ARHGEF5: variants seen among roughly 807,000 people sequenced by gnomAD.
ARHGEF5 encodes the protein Rho guanine nucleotide exchange factor (GEF) 5.
ARHGEF5 carries 11 observed loss-of-function variants against 104.0 expected under a neutral mutation model. The ratio of observed to expected loss-of-function variants is 0.11; its 90% CI spans 0.07 to 0.18. The LOEUF (loss-of-function observed/expected upper bound fraction) is 0.18. ARHGEF5 is among the 10% of genes least tolerant of loss of function. The probability of loss-of-function intolerance (pLI) is 1.00; values close to 1 mark genes in which losing one functional copy is unlikely to be tolerated. For missense variants in ARHGEF5, 165 were observed against 1,335.4 expected, an observed-to-expected ratio of 0.12 and a Z score of 13.66; for synonymous variants, 60 against 512.2, an observed-to-expected ratio of 0.12 and a Z score of 11.92.
chr7:144,379,763 T>C, intron 14 of ARHGEF5, 136 bp from the exon 15 acceptor site: 1 of 1,176,924 alleles, frequency 8.5e-7, no homozygotes, highest in African/African-American at 1.5e-5. Context: ...GTTAGGACAC[T>C]TGGAGGCTGG....
At chr7:144,361,056 C>T (rs1379836481) in intron 1 of ARHGEF5, among the ~76,000 whole-genome samples, 3 of 143,780 alleles carry the variant, frequency 2.1e-5, no homozygotes, top group Non-Finnish European at 4.6e-5. Flanking sequence ...GGTGAAACCC[C>T]GTCTCTACTA....
Position 144,379,948 on chromosome 7 carries a change from T to A in ARHGEF5, c.4686T>A (p.Pro1562=), listed in dbSNP as rs1425187230. The A allele has an allele frequency of 1.2e-6, 2 of 1,614,238 alleles. No individual in the cohort carries two copies. Among genetic ancestry groups the A allele is most frequent in the East Asian group, 2.2e-5 (1 of 44,890 alleles). The change falls in exon 15 of 15, where the codon CCT becomes CCA. Residue 1562 remains proline (P), a synonymous_variant. Coordinates refer to ENST00000056217, the MANE Select transcript of ARHGEF5 (RefSeq NM_005435.4). ...RLSDGERGWF[P]VQQVEFISNP... ...CAGACGGGGAGCGAGGCTGGTTTCCTGTGCAGCAGGTGGAGTTCATTTCCA... is the reference window on the plus strand; with the variant it reads ...CAGACGGGGAGCGAGGCTGGTTTCCAGTGCAGCAGGTGGAGTTCATTTCCA...
At chr7:144,373,815 C>T (rs1587071627) in intron 10 of ARHGEF5, among the ~76,000 whole-genome samples, 2 of 145,716 alleles carry the variant, frequency 1.4e-5, no homozygotes, top group East Asian at 2.0e-4. Context: ...AGACATTCCA[C>T]ATTCAAATTC....
At chr7:144,358,939 C>T (rs1318028736) in intron 1 of ARHGEF5, among the ~76,000 whole-genome samples, 3 of 60,828 alleles carry the variant, frequency 4.9e-5, no homozygotes, top group Non-Finnish European at 9.0e-5. Context: ...GACTGATGGC[C>T]TGCCAGCTTT....
Position 144,373,216 on chromosome 7 carries a change from A to T in ARHGEF5, c.4072A>T (p.Asn1358Tyr), listed in dbSNP as rs550202096. ...LEQLIRDCNN[N>Y]VQSMRRTEEL... ...CTAGCTGATCCGGGACTGCAATAACAATGTCCAGAGTATGCGACGGACAGA... is the reference window on the plus strand; with the variant it reads ...CTAGCTGATCCGGGACTGCAATAACTATGTCCAGAGTATGCGACGGACAGA... Residue 1358 changes from asparagine (N) to tyrosine (Y), a missense_variant, in exon 10 of 15, where the codon AAT (asparagine) becomes TAT (tyrosine). Physicochemically the swap from Asn to Tyr is moderately radical, Grantham distance 143. Transcript: ENST00000056217. The T allele has an allele frequency of 4.8e-6, 7 of 1,450,690 alleles. 1 individual carries two copies. In the East Asian group the frequency reaches 1.4e-4, roughly 30 times the overall value. 89.9% of individuals were successfully genotyped at this position (1,450,690 alleles called of 1,614,324 possible). A position where few individuals can be genotyped will look rare whatever the true frequency, so the allele number is the denominator to read the frequency against.
At chr7:144,379,516 T>C (rs1346956174) in intron 14 of ARHGEF5, among the ~76,000 whole-genome samples, 3 of 152,194 alleles carry the variant, frequency 2.0e-5, no homozygotes, top group Non-Finnish European at 4.4e-5. Context: ...AGCCCAAGTT[T>C]TCCTCCTTTA....
rs964029865 is a variant in ARHGEF5, at chr7:144,380,391, AGAGTTTCAGT to A, written c.*338_*347del. 70 of 214,070 alleles carry A rather than the reference AGAGTTTCAGT, an allele frequency of 3.3e-4. No individual in the cohort carries two copies. The highest frequency in any genetic ancestry group is 1.5e-3 in the African/African-American group (65 of 44,610). The allele number at this position is 214,070 out of a possible 1,614,324, so 13.3% of individuals were successfully genotyped here. On this transcript the variant is annotated 3_prime_UTR_variant, in exon 15 of 15. Coordinates refer to ENST00000056217, the MANE Select transcript of ARHGEF5 (RefSeq NM_005435.4). ...CCAGGGTGCAGATTCAGAGCTGGCC[AGAGTTTCAGT>A]GATAGCCGTATGTTAAACAGAATCT...
intron 13 of ARHGEF5, among the ~76,000 whole-genome samples, 181 bp downstream of exon 13, chr7:144,377,371 C>T (rs552701969): frequency 6.6e-6 from 1 of 152,332 alleles, no homozygotes; most frequent in Admixed American, 6.5e-5. Flanking sequence ...TAAAACTGCT[C>T]ATCACTATGG....
chr7:144,375,974 C>A (rs1483868014), intron 12 of ARHGEF5, among the ~76,000 whole-genome samples: 2 of 152,248 alleles, frequency 1.3e-5, no homozygotes, highest in Non-Finnish European at 2.9e-5. Context: ...ATGGAGTGAG[C>A]AAGGAATTGG....
At chr7:144,370,578 G>A (rs1158518865) in intron 5 of ARHGEF5, among the ~76,000 whole-genome samples, 5 of 150,602 alleles carry the variant, frequency 3.3e-5, no homozygotes, top group African/African-American at 4.9e-5. Flanking sequence ...CAATCCTTCC[G>A]CCTCAGCCTC....
chr7:144,357,100 A>T (rs1290337765), intron 1 of ARHGEF5, among the ~76,000 whole-genome samples: 1 of 132,504 alleles, frequency 7.5e-6, no homozygotes, highest in Non-Finnish European at 1.6e-5. Flanking sequence ...GGTCACTCAC[A>T]GTGTCTGTGG....
At chr7:144,378,655 A>T in intron 13 of ARHGEF5, 107 bp from the exon 14 acceptor site, 1 of 869,750 alleles carries the variant, frequency 1.1e-6, no homozygotes, top group Non-Finnish European at 1.8e-6. Context: ...CAACAGCCCA[A>T]ATCTGTCTCT....
intron 14 of ARHGEF5, 34 bp from the exon 15 acceptor site, chr7:144,379,865 C>A: frequency 6.2e-7 from 1 of 1,613,248 alleles, no homozygotes; most frequent in Non-Finnish European, 8.5e-7. Context: ...GAGCCTTTCC[C>A]AGGTAATTCT....
In ARHGEF5 at chr7:144,365,768, G is replaced by GT; in HGVS notation, c.3099_3100insT (p.Gly1034TrpfsTer15). 1 of 352,076 alleles carries GT rather than the reference G, an allele frequency of 2.8e-6. No homozygotes were observed. Among genetic ancestry groups the GT allele is most frequent in the African/African-American group, 8.6e-5 (1 of 11,626 alleles). 21.8% of individuals were successfully genotyped at this position (352,076 alleles called of 1,614,324 possible). ...CTAGTGAGGGGGCCAACAAGCACAA[G>GT]GGCTGGAGCCGGCAGGGCCTGCGCA... On this transcript the variant is annotated frameshift_variant, in exon 2 of 15. Coordinates refer to ENST00000056217, the MANE Select transcript of ARHGEF5 (RefSeq NM_005435.4). LOFTEE classifies it high-confidence loss of function.
At chr7:144,370,709 A>G (rs1423725741) in intron 5 of ARHGEF5, among the ~76,000 whole-genome samples, 3 of 148,118 alleles carry the variant, frequency 2.0e-5, no homozygotes, top group Non-Finnish European at 3.0e-5. Context: ...CAAGTGATGC[A>G]CCCACCTCAG....
At chr7:144,377,807 A>G (rs868753678) in intron 13 of ARHGEF5, among the ~76,000 whole-genome samples, 2 of 152,194 alleles carry the variant, frequency 1.3e-5, no homozygotes, top group East Asian at 1.9e-4. Flanking sequence ...AACAACTACA[A>G]GGAACCCTGG....
intron 14 of ARHGEF5, 58 bp downstream of exon 14, chr7:144,378,924 A>T: frequency 6.6e-7 from 1 of 1,520,096 alleles, no homozygotes; most frequent in Non-Finnish European, 9.1e-7. Context: ...CAGTGCTGGG[A>T]GTGTGTTCAC....
intron 1 of ARHGEF5, among the ~76,000 whole-genome samples, chr7:144,361,091 G>A (rs1322293408): frequency 7.0e-6 from 1 of 143,192 alleles, no homozygotes; most frequent in East Asian, 2.0e-4. Context: ...AGCTGGGTGT[G>A]GTGGCACACA....
intron 13 of ARHGEF5, among the ~76,000 whole-genome samples, chr7:144,377,859 C>G (rs2053772497): frequency 6.6e-6 from 1 of 152,162 alleles, no homozygotes; most frequent in Non-Finnish European, 1.5e-5. Flanking sequence ...ACGCTGTTAA[C>G]TTGCTCACTG....
Sources: allele counts gnomAD v4.1 joint callset (sites outside exome capture counted in the v4.1 genomes callset), GRCh38; gene constraint gnomAD v4.1.1; transcripts MANE v1.5; gene names NCBI Gene and HGNC (gene_info 2026-07-23, HGNC 2026-07-21).